BRINP1: variants seen among roughly 807,000 people sequenced by gnomAD.
BRINP1 encodes BMP/retinoic acid inducible neural specific 1.
In BRINP1, 17 loss-of-function variants were observed where a neutral mutation model predicts 72.9. The ratio of observed to expected loss-of-function variants is 0.23; its 90% CI spans 0.16 to 0.35. The LOEUF is 0.35. BRINP1 is among the 10% of genes least tolerant of loss of function. BRINP1 has a pLI of 1.00. For missense variants in BRINP1, 850 were observed against 1,001.6 expected (o/e 0.85, Z 2.04); for synonymous variants, 418 against 378.5 (o/e 1.10, Z -1.21).
chr9:119,324,388 C>T (rs1425035277), intron 1 of BRINP1, among the ~76,000 whole-genome samples: 1 of 152,058 alleles, frequency 6.6e-6, no homozygotes, highest in Non-Finnish European at 1.5e-5. Context: ...TTTATCGGTG[C>T]CTAGTGATAT....
chr9:119,269,208 T>A (rs1372792819), intron 2 of BRINP1, among the ~76,000 whole-genome samples: 1 of 152,206 alleles, frequency 6.6e-6, no homozygotes, highest in Non-Finnish European at 1.5e-5. Flanking sequence ...ACATCTGAAC[T>A]TCTCATGACC....
intron 1 of BRINP1, among the ~76,000 whole-genome samples, chr9:119,338,418 G>A (rs1165754405): frequency 6.6e-6 from 1 of 151,682 alleles, no homozygotes; most frequent in Admixed American, 6.6e-5. Context: ...CTGGGTACTT[G>A]TTGAAAGATG....
At chr9:119,205,047 G>C (rs905264265) in intron 7 of BRINP1, among the ~76,000 whole-genome samples, 1 of 152,194 alleles carries the variant, frequency 6.6e-6, no homozygotes, top group Non-Finnish European at 1.5e-5. Flanking sequence ...GCAAATACCA[G>C]CTTGCTCAGC....
chr9:119,266,811 T>C (rs984295336), intron 2 of BRINP1, among the ~76,000 whole-genome samples: 13 of 152,360 alleles, frequency 8.5e-5, no homozygotes, highest in Non-Finnish European at 1.5e-4. Flanking sequence ...CCATCCATGT[T>C]GTTGCAAATG....
chr9:119,343,185 C>T (rs1449389050), intron 1 of BRINP1, among the ~76,000 whole-genome samples: 1 of 152,078 alleles, frequency 6.6e-6, no homozygotes, highest in African/African-American at 2.4e-5. Context: ...AAGATGTGAC[C>T]CACCAGGTGT....
intron 2 of BRINP1, among the ~76,000 whole-genome samples, chr9:119,285,877 C>A (rs1387526033): frequency 1.3e-5 from 2 of 152,078 alleles, no homozygotes; most frequent in African/African-American, 2.4e-5. Flanking sequence ...CTAACTCATT[C>A]TTTTCTTAGG....
At chr9:119,240,730 T>C (rs1830238421) in intron 4 of BRINP1, among the ~76,000 whole-genome samples, 1 of 152,166 alleles carries the variant, frequency 6.6e-6, no homozygotes, top group African/African-American at 2.4e-5. Flanking sequence ...ACTACCTCCC[T>C]GCTCAGTAAC....
At position 119,368,881 on chromosome 9, in the gene BRINP1, G is replaced by C. The variant is rs2119051635; in HGVS notation, c.-51+175C>G. ...TTAGCCCTTTGAGCCCCAGGCACAG[G>C]AACCCCCTCCCTAGAACTGGAGAAG... is the stretch of plus-strand genomic sequence containing the variant. On this transcript the variant is annotated intron_variant, in intron 1 of 7. Transcript: ENST00000265922. The surrounding 1 kb of genome is among the most constrained non-coding windows in gnomAD (Gnocchi z 4.7). Among the ~76,000 whole-genome samples, 1 of 152,230 alleles carries C rather than the reference G, an allele frequency of 6.6e-6. No individual in the cohort carries two copies. The highest frequency in any genetic ancestry group is 1.5e-5 in the Non-Finnish European group (1 of 68,014).
intron 7 of BRINP1, among the ~76,000 whole-genome samples, chr9:119,206,225 G>A (rs1588163835): frequency 6.6e-6 from 1 of 151,872 alleles, no homozygotes. Context: ...AGACCAGCCT[G>A]GCCCATACGG....
intron 2 of BRINP1, among the ~76,000 whole-genome samples, chr9:119,294,280 C>G (rs779785383): frequency 3.9e-5 from 6 of 152,182 alleles, no homozygotes; most frequent in Non-Finnish European, 4.4e-5. Context: ...CCTGTAATCC[C>G]AGCACTTTGG....
rs540054591 is a variant in BRINP1, at chr9:119,280,534, G to A, written c.219-31384C>T. ...GCTGGGATTACAGGTGTGAGCTACC[G>A]CACCCAGCCAAAATATCTAGTATTT... is the stretch of plus-strand genomic sequence containing the variant. On this transcript the variant is annotated intron_variant, in intron 2 of 7. Transcript: ENST00000265922. 3.3e-5 allele frequency among the ~76,000 whole-genome samples: 5 copies of A among 151,930 alleles called. No homozygotes were observed. In the South Asian group the frequency reaches 8.3e-4, roughly 25 times the overall value.
intron 4 of BRINP1, among the ~76,000 whole-genome samples, chr9:119,239,247 G>A (rs1830222698): frequency 1.3e-5 from 2 of 152,056 alleles, no homozygotes; most frequent in South Asian, 2.1e-4. Flanking sequence ...TTCCATAATG[G>A]GTACCTTATT....
chr9:119,298,372 T>C (rs1830903140), intron 2 of BRINP1, among the ~76,000 whole-genome samples: 1 of 152,244 alleles, frequency 6.6e-6, no homozygotes, highest in South Asian at 2.1e-4. Context: ...AAATTCCTCT[T>C]TAAGGAGAAG....
At chr9:119,314,059 C>T (rs1375935513) in intron 1 of BRINP1, among the ~76,000 whole-genome samples, 1 of 152,188 alleles carries the variant, frequency 6.6e-6, no homozygotes, top group Non-Finnish European at 1.5e-5. Flanking sequence ...ATGGAGCTTG[C>T]TTACAGTTCA....
chr9:119,202,071 G>C (rs1829810827), intron 7 of BRINP1, among the ~76,000 whole-genome samples: 1 of 152,092 alleles, frequency 6.6e-6, no homozygotes, highest in Admixed American at 6.6e-5. Flanking sequence ...CTCGGAGATT[G>C]GTAGAATAGC....
At chr9:119,262,928 G>A (rs969690044) in intron 2 of BRINP1, among the ~76,000 whole-genome samples, 1 of 152,152 alleles carries the variant, frequency 6.6e-6, no homozygotes, top group African/African-American at 2.4e-5. Flanking sequence ...TAGGTGCTAG[G>A]ACTACAGGAG....
chr9:119,242,162 C>T lies in BRINP1; in HGVS notation c.464G>A (p.Gly155Glu). Reference protein sequence around the residue: ...MDKSRLDRKSGNATQSVEALH... With the variant: ...MDKSRLDRKSENATQSVEALH... ...AGCTTCAACACTTTGAGTGGCATTC[C>T]CTGACTTCCTGTCGAGGCGACTTTT... is the stretch of plus-strand genomic sequence containing the variant. Residue 155 changes from glycine (G) to glutamate (E), a missense_variant, in exon 4 of 8, where the codon GGG becomes GAG. Transcript: ENST00000265922. 1 of 1,614,146 alleles carries T rather than the reference C, an allele frequency of 6.2e-7. No homozygotes were observed. Among genetic ancestry groups the T allele is most frequent in the Non-Finnish European group, 8.5e-7 (1 of 1,180,028 alleles).
intron 2 of BRINP1, among the ~76,000 whole-genome samples, chr9:119,273,608 T>C (rs1328680933): frequency 1.3e-5 from 2 of 152,164 alleles, no homozygotes; most frequent in Non-Finnish European, 2.9e-5. Flanking sequence ...CCCAGCACAA[T>C]GCTTCTTCCC....
chr9:119,176,119 G>A lies in BRINP1; in HGVS notation c.1146-7895C>T, dbSNP rs962845165. On this transcript the variant is annotated intron_variant, in intron 7 of 7. Coordinates refer to ENST00000265922, the MANE Select transcript of BRINP1 (RefSeq NM_014618.3). ...CGGTTGTTATTCCTGCAAAGGGACT[G>A]TCAGCAATATTTTACAGACATGGCA... Among the ~76,000 whole-genome samples the A allele has an allele frequency of 2.6e-5, 4 of 152,202 alleles. No individual in the cohort carries two copies. In the East Asian group the frequency reaches 7.7e-4, roughly 29 times the overall value.
Sources: allele counts gnomAD v4.1 joint callset (sites outside exome capture counted in the v4.1 genomes callset), GRCh38; gene constraint gnomAD v4.1.1; non-coding constraint Gnocchi (gnomAD v3.1); transcripts MANE v1.5; gene names NCBI Gene and HGNC (gene_info 2026-07-23, HGNC 2026-07-21).